Variants in CFAP299 observed in about 807,000 individuals in gnomAD.
CFAP299 encodes cilia- and flagella-associated protein 299.
Under a neutral mutation model 27.0 loss-of-function variants are expected in CFAP299, and 21 were observed. The observed-to-expected ratio is 0.78, with a 90% CI of 0.55 to 1.12. CFAP299 has a LOEUF of 1.12. Ranked by LOEUF, CFAP299 falls within the 50% of genes most tolerant of loss-of-function variation. The pLI is 0.00. For missense variants in CFAP299, 310 were observed against 276.6 expected, an observed-to-expected ratio of 1.12 and a Z score of -0.86; for synonymous variants, 104 against 98.1, an observed-to-expected ratio of 1.06 and a Z score of -0.36.
intron 3 of CFAP299, among the ~76,000 whole-genome samples, chr4:80,721,618 T>C (rs532175263): frequency 6.6e-6 from 1 of 152,310 alleles, no homozygotes; most frequent in African/African-American, 2.4e-5. Context: ...CTTCAACATA[T>C]GAATTTTGGG....
chr4:80,871,891 A>C (rs1056875499), intron 4 of CFAP299: 1 of 154,546 alleles, frequency 6.5e-6, no homozygotes, highest in African/African-American at 2.4e-5. Context: ...TATTTTTTAT[A>C]GTTTGTTTGA....
chr4:80,696,003 T>C (rs771970513), intron 3 of CFAP299, among the ~76,000 whole-genome samples: 1 of 152,026 alleles, frequency 6.6e-6, no homozygotes, highest in Non-Finnish European at 1.5e-5. Flanking sequence ...ATATAGAATT[T>C]TTAAAAGAGA....
intron 2 of CFAP299, among the ~76,000 whole-genome samples, chr4:80,442,031 A>T (rs891933249): frequency 3.9e-5 from 6 of 152,204 alleles, no homozygotes; most frequent in African/African-American, 1.4e-4. Flanking sequence ...TATGCACCCA[A>T]TATAGGAGCA....
chr4:80,727,299 G>T (rs376128334), intron 3 of CFAP299, among the ~76,000 whole-genome samples: 1 of 151,638 alleles, frequency 6.6e-6, no homozygotes, highest in Non-Finnish European at 1.5e-5. Context: ...TTATATAATG[G>T]TAATATTACA....
chr4:80,809,555 C>G (rs1729036421), intron 3 of CFAP299, among the ~76,000 whole-genome samples: 1 of 152,102 alleles, frequency 6.6e-6, no homozygotes, highest in Admixed American at 6.6e-5. Flanking sequence ...TGCCACCACC[C>G]TAGTGCAGGC....
chr4:80,863,685 C>T (rs767107761), intron 3 of CFAP299, among the ~76,000 whole-genome samples: 2 of 151,948 alleles, frequency 1.3e-5, no homozygotes, highest in African/African-American at 2.4e-5. Context: ...TAAATAGATC[C>T]GTATTCATGG....
At chr4:80,891,334 T>A (rs976679004) in intron 4 of CFAP299, among the ~76,000 whole-genome samples, 1 of 151,794 alleles carries the variant, frequency 6.6e-6, no homozygotes, top group Non-Finnish European at 1.5e-5. Context: ...TCCCCATTGC[T>A]TGTTTTTCTC....
At chr4:80,890,968 G>T (rs1049502796) in intron 4 of CFAP299, among the ~76,000 whole-genome samples, 1 of 151,808 alleles carries the variant, frequency 6.6e-6, no homozygotes, top group Non-Finnish European at 1.5e-5. Context: ...TTAGCCCTTT[G>T]TCAGATGAGT....
At chr4:80,568,119 GAGTT>G (rs1489492519) in intron 2 of CFAP299, among the ~76,000 whole-genome samples, 1 of 151,772 alleles carries the variant, frequency 6.6e-6, no homozygotes, top group South Asian at 2.1e-4. Flanking sequence ...TAGAAAAAAT[GAGTT>G]AGAAAAACTT....
intron 3 of CFAP299, among the ~76,000 whole-genome samples, chr4:80,861,518 C>G (rs867850183): frequency 6.6e-6 from 1 of 152,206 alleles, no homozygotes. Flanking sequence ...ATGCTGGGAG[C>G]TGTAGACTGG....
chr4:80,345,252 GC>G (rs1722666284), intron 1 of CFAP299, among the ~76,000 whole-genome samples: 1 of 152,084 alleles, frequency 6.6e-6, no homozygotes, highest in Non-Finnish European at 1.5e-5. Flanking sequence ...CATTGTCCCA[GC>G]CCAACAGTTT....
chr4:80,787,985 G>A (rs1277624477), intron 3 of CFAP299, among the ~76,000 whole-genome samples: 2 of 151,892 alleles, frequency 1.3e-5, no homozygotes, highest in Non-Finnish European at 2.9e-5. Context: ...TCAAACTTCA[G>A]TGTGCACCAA....
intron 3 of CFAP299, among the ~76,000 whole-genome samples, chr4:80,739,148 T>G (rs565523167): frequency 6.6e-6 from 1 of 152,246 alleles, no homozygotes; most frequent in African/African-American, 2.4e-5. Context: ...TTATTGGTTT[T>G]CATTGGTTTA....
intron 4 of CFAP299, among the ~76,000 whole-genome samples, chr4:80,892,791 G>A (rs375542201): frequency 2.6e-4 from 39 of 152,070 alleles, no homozygotes; most frequent in Non-Finnish European, 3.2e-4. Flanking sequence ...GCGAAAAACC[G>A]AAAGCTTTTC....
chr4:80,400,646 C>A (rs1726104931), intron 2 of CFAP299, among the ~76,000 whole-genome samples: 2 of 152,074 alleles, frequency 1.3e-5, no homozygotes. Context: ...CCCCTTTTTT[C>A]TTCCCAGTCT....
At chr4:80,898,627 C>T (rs889685987) in intron 4 of CFAP299, among the ~76,000 whole-genome samples, 2 of 151,914 alleles carry the variant, frequency 1.3e-5, no homozygotes, top group Admixed American at 6.6e-5. Flanking sequence ...CAGAATTTTC[C>T]TGTCTCCTGT....
At chr4:80,777,057 A>G (rs193107871) in intron 3 of CFAP299, among the ~76,000 whole-genome samples, 1 of 151,866 alleles carries the variant, frequency 6.6e-6, no homozygotes. Context: ...TACACACTCA[A>G]ATTTGATTAT....
chr4:80,689,297 G>A (rs1344408162), intron 3 of CFAP299, among the ~76,000 whole-genome samples: 2 of 151,564 alleles, frequency 1.3e-5, no homozygotes, highest in African/African-American at 4.9e-5. Context: ...AGAGAGAAAG[G>A]TCGGGTTACC....
chr4:80,813,256 A>G (rs1729249524), intron 3 of CFAP299, among the ~76,000 whole-genome samples: 1 of 152,040 alleles, frequency 6.6e-6, no homozygotes, highest in Admixed American at 6.6e-5. Context: ...ATGTCATTAA[A>G]TGTATAAGAA....
Sources: allele counts gnomAD v4.1 joint callset (sites outside exome capture counted in the v4.1 genomes callset), GRCh38; gene constraint gnomAD v4.1.1; transcripts MANE v1.5; gene names NCBI Gene and HGNC (gene_info 2026-07-23, HGNC 2026-07-21).